Variants in DGKI observed in about 807,000 individuals in gnomAD.
The protein encoded by DGKI is DAG kinase iota.
In DGKI, 55 loss-of-function variants were observed where a neutral mutation model predicts 147.5. That is an observed-to-expected ratio of 0.37 (90% CI 0.30 to 0.47). The LOEUF is 0.47. DGKI is among the 20% of genes least tolerant of loss of function. The pLI is 1.00. For synonymous variants in DGKI, 469 were observed against 477.1 expected, an observed-to-expected ratio of 0.98 and a Z score of 0.22; for missense variants, 1,007 against 1,323.8, an observed-to-expected ratio of 0.76 and a Z score of 3.71.
rs1220814598 is a variant in DGKI at position 137,386,758 on chromosome 7, A to G, written c.*4462T>C. On this transcript the variant is annotated 3_prime_UTR_variant, in exon 33 of 33. Transcript: ENST00000614521. ...GCAGAGAAGGACCTGTAGGACTTCTAATCAGCTGAGTATGAGATTCAGAGT... is the reference window on the plus strand; with the variant it reads ...GCAGAGAAGGACCTGTAGGACTTCTGATCAGCTGAGTATGAGATTCAGAGT... 1 of 152,120 alleles carries G rather than the reference A, an allele frequency of 6.6e-6. No homozygotes were observed. The highest frequency in any genetic ancestry group is 1.5e-5 in the Non-Finnish European group (1 of 68,008). 9.4% of individuals were successfully genotyped at this position (152,120 alleles called of 1,614,324 possible).
At chr7:137,496,168 T>A (rs528229785) in intron 21 of DGKI, among the ~76,000 whole-genome samples, 104 of 151,508 alleles carry the variant, frequency 6.9e-4, no homozygotes, top group African/African-American at 2.3e-3. Context: ...ACCAACAACA[T>A]CCAAACTGAG....
chr7:137,741,230 T>A (rs1435419756), intron 1 of DGKI, among the ~76,000 whole-genome samples: 1 of 151,978 alleles, frequency 6.6e-6, no homozygotes, highest in East Asian at 1.9e-4. Context: ...TTGATTTTAA[T>A]TAGTAAAAGA....
At chr7:137,544,667 C>T (rs915943066) in intron 20 of DGKI, among the ~76,000 whole-genome samples, 2 of 152,062 alleles carry the variant, frequency 1.3e-5, no homozygotes, top group African/African-American at 4.8e-5. Context: ...TCTATTTAGA[C>T]ATGTATTCTT....
intron 1 of DGKI, among the ~76,000 whole-genome samples, chr7:137,785,344 T>A (rs900491358): frequency 3.3e-5 from 5 of 150,962 alleles, no homozygotes; most frequent in African/African-American, 1.2e-4. Context: ...CACCTTCACG[T>A]GCATAAACCA....
intron 6 of DGKI, among the ~76,000 whole-genome samples, chr7:137,639,851 TG>T (rs1344425545): frequency 1.3e-5 from 2 of 152,104 alleles, no homozygotes; most frequent in Non-Finnish European, 2.9e-5. Flanking sequence ...AAAAATTCTT[TG>T]GGGGTATAAT....
chr7:137,610,318 C>T (rs1016869965), intron 8 of DGKI, among the ~76,000 whole-genome samples: 9 of 152,108 alleles, frequency 5.9e-5, no homozygotes, highest in African/African-American at 2.2e-4. Flanking sequence ...TATAAAAGTG[C>T]CTCAAACTTG....
At chr7:137,666,521 C>A (rs534655549) in intron 3 of DGKI, among the ~76,000 whole-genome samples, 1 of 152,334 alleles carries the variant, frequency 6.6e-6, no homozygotes, top group African/African-American at 2.4e-5. Flanking sequence ...TTTTGGAAAT[C>A]TTCTTACAAT....
chr7:137,677,136 T>G (rs1290455225), intron 3 of DGKI, among the ~76,000 whole-genome samples: 1 of 152,210 alleles, frequency 6.6e-6, no homozygotes, highest in Non-Finnish European at 1.5e-5. Flanking sequence ...TCAATCCAAT[T>G]CCATGCAATT....
At chr7:137,401,087 A>G (rs774660626) in intron 30 of DGKI, among the ~76,000 whole-genome samples, 5 of 152,166 alleles carry the variant, frequency 3.3e-5, no homozygotes, top group Non-Finnish European at 7.4e-5. Context: ...GCACTGCCCA[A>G]TGGGGAGCTA....
At chr7:137,810,805 T>C (rs1797541082) in intron 1 of DGKI, among the ~76,000 whole-genome samples, 2 of 150,214 alleles carry the variant, frequency 1.3e-5, no homozygotes, top group Non-Finnish European at 1.5e-5. Flanking sequence ...GTGATACACA[T>C]CACTTCCAAT....
intron 20 of DGKI, among the ~76,000 whole-genome samples, chr7:137,529,031 C>T (rs1817246961): frequency 6.6e-6 from 1 of 152,194 alleles, no homozygotes; most frequent in Non-Finnish European, 1.5e-5. Context: ...TGATGGCTAA[C>T]ATATTGCAAA....
chr7:137,485,491 A>C, intron 22 of DGKI, 73 bp from the exon 23 acceptor site: 29 of 1,127,950 alleles, frequency 2.6e-5, no homozygotes, highest in Non-Finnish European at 3.0e-5. Context: ...ACTCAATCTC[A>C]ACTGAACTCC....
chr7:137,639,384 A>T (rs1821539795), intron 6 of DGKI, among the ~76,000 whole-genome samples: 1 of 152,204 alleles, frequency 6.6e-6, no homozygotes, highest in African/African-American at 2.4e-5. Context: ...GGACCATCTG[A>T]TCAGGGAACA....
chr7:137,722,733 G>A, intron 1 of DGKI: 2 of 1,575,294 alleles, frequency 1.3e-6, no homozygotes, highest in Non-Finnish European at 8.7e-7. Context: ...GCAAGATTGA[G>A]CAGAAAGCTG....
chr7:137,419,479 T>A (rs1366150614), intron 28 of DGKI, among the ~76,000 whole-genome samples: 1 of 152,210 alleles, frequency 6.6e-6, no homozygotes, highest in Non-Finnish European at 1.5e-5. Context: ...CTGTCCAATT[T>A]TTCTATTTTG....
At chr7:137,641,288 T>C (rs1821615528) in intron 6 of DGKI, among the ~76,000 whole-genome samples, 2 of 152,194 alleles carry the variant, frequency 1.3e-5, no homozygotes, top group African/African-American at 4.8e-5. Context: ...CTCGGGTATG[T>C]GTTTATAAAC....
intron 8 of DGKI, among the ~76,000 whole-genome samples, chr7:137,618,153 T>TGTATATA (rs1563114668): frequency 1.6e-3 from 15 of 9,656 alleles, no homozygotes; most frequent in African/African-American, 2.6e-3. Flanking sequence ...ATATATATAT[T>TGTATATA]TTTTTTTTTT....
Position 137,457,408 on chromosome 7 carries a change from T to C in DGKI, c.2735+6081A>G, listed in dbSNP as rs113535985. Among the ~76,000 whole-genome samples, 204 of 152,322 alleles carry C rather than the reference T, an allele frequency of 1.3e-3. 1 individual carries two copies. The highest frequency in any genetic ancestry group is 2.2e-3 in the Non-Finnish European group (148 of 68,028). On this transcript the variant is annotated intron_variant, in intron 27 of 32. Transcript: ENST00000614521. Reference sequence around the variant, plus strand: ...TGTTGAGAACCTGAAACTTTCACAATAAGCACAATTACCCTTTTTATTAGG... The same window carrying C: ...TGTTGAGAACCTGAAACTTTCACAACAAGCACAATTACCCTTTTTATTAGG...
chr7:137,720,491 C>T (rs1304707101), intron 1 of DGKI, among the ~76,000 whole-genome samples: 4 of 152,012 alleles, frequency 2.6e-5, no homozygotes, highest in Non-Finnish European at 4.4e-5. Flanking sequence ...ATCTCCTGAC[C>T]TTGTGATCTG....
Sources: gnomAD v4.1 joint callset for allele counts (sites outside exome capture counted in the v4.1 genomes callset) on GRCh38, gnomAD v4.1.1 for gene constraint, MANE v1.5 for transcripts, NCBI Gene and HGNC (gene_info 2026-07-23, HGNC 2026-07-21) for gene names.